ZNF808: variants seen among roughly 807,000 people sequenced by gnomAD.
ZNF808 encodes zinc finger protein 808.
ZNF808 carries 5 observed loss-of-function variants against 8.7 expected under a neutral mutation model. The observed-to-expected ratio is 0.58, with a 90% CI of 0.30 to 1.21. The LOEUF (loss-of-function observed/expected upper bound fraction) is 1.21, where lower values mean the gene tolerates loss of function less well. Ranked by LOEUF, ZNF808 falls within the 50% of genes most tolerant of loss-of-function variation. ZNF808 has a pLI of 0.07. For synonymous variants in ZNF808, 380 were observed against 366.0 expected (o/e 1.04, Z -0.44); for missense variants, 1,103 against 1,098.4 (o/e 1.00, Z -0.06).
rs773563625 is a variant in ZNF808 at position 52,554,632 on chromosome 19, T to C, written c.1716T>C (p.Cys572=). Residue 572 remains cysteine, a synonymous_variant, in exon 5 of 5, where the codon TGT becomes TGC. Transcript: ENST00000359798. ...TAKKPYKCNE[C]GKAFNQQSHL... is the part of the protein sequence containing the mutation. ...AGAAACCTTACAAGTGTAATGAATGTGGGAAAGCTTTTAATCAACAATCAC... is the reference window on the plus strand; with the variant it reads ...AGAAACCTTACAAGTGTAATGAATGCGGGAAAGCTTTTAATCAACAATCAC... The C allele has an allele frequency of 1.3e-5, 21 of 1,613,840 alleles. No individual in the cohort carries two copies. The African/African-American group carries it at 2.5e-4, about 19-fold the overall frequency.
At chr19:52,560,063 A>G (rs2123224286), downstream of ZNF808, among the ~76,000 whole-genome samples, 1 of 152,252 alleles carries the variant, frequency 6.6e-6, no homozygotes, top group African/African-American at 2.4e-5. Context: ...TGGCCGGGTG[A>G]GGTGGCTCAC....
At chr19:52,540,918 T>C (rs1190511898) in intron 2 of ZNF808, among the ~76,000 whole-genome samples, 1 of 152,184 alleles carries the variant, frequency 6.6e-6, no homozygotes. Flanking sequence ...TTTCGTTTGC[T>C]CAGGTATATA....
intron 3 of ZNF808, among the ~76,000 whole-genome samples, chr19:52,546,126 A>G (rs1028774763): frequency 6.6e-6 from 1 of 151,976 alleles, no homozygotes; most frequent in African/African-American, 2.4e-5. Flanking sequence ...CACTTAGAAC[A>G]GTGTATAGCA....
chr19:52,536,750 T>A (rs1260660954), intron 2 of ZNF808, among the ~76,000 whole-genome samples: 1 of 151,826 alleles, frequency 6.6e-6, no homozygotes, highest in Non-Finnish European at 1.5e-5. Context: ...CACCGGGGGA[T>A]CTGGGGTGCT....
chr19:52,555,337 AAGACATATT>A lies in ZNF808; in HGVS notation c.2425_2433del (p.His809_Arg811del). The A allele has an allele frequency of 6.2e-7, 1 of 1,614,196 alleles. No individual in the cohort carries two copies. Among genetic ancestry groups the A allele is most frequent in the Non-Finnish European group, 8.5e-7 (1 of 1,180,036 alleles). On this transcript the variant is annotated inframe_deletion, in exon 5 of 5. Transcript: ENST00000359798. ...CTTTCGTGCGTAATTCATACCTGGC[AAGACATATT>A]AGAATTCACACTGCAGAGAAACCTT...
rs146155373 is a variant in ZNF808 at position 52,556,308 on chromosome 19, GTTTCTTAT to G, written c.*691_*698del. ...GGCCACTTTCGCCATCCTGTTTTTT[GTTTCTTAT>G]TTTCTTATTTATTTATTTATTTATT... On this transcript the variant is annotated 3_prime_UTR_variant, in exon 5 of 5. Transcript: ENST00000359798. The G allele has an allele frequency of 0.019, 3,157 of 165,798 alleles. 102 individuals carry two copies. The highest frequency in any genetic ancestry group is 0.072 in the African/African-American group (3,000 of 41,536). The allele number at this position is 165,798 out of a possible 1,614,324, so 10.3% of individuals were successfully genotyped here.
chr19:52,529,904 TATATA>T (rs1213889777), intron 1 of ZNF808, among the ~76,000 whole-genome samples: 1 of 121,932 alleles, frequency 8.2e-6, no homozygotes, highest in African/African-American at 3.4e-5. Flanking sequence ...TATATATATA[TATATA>T]TATTTTTTTT....
chr19:52,561,037 C>T (rs2059854540), downstream of ZNF808, among the ~76,000 whole-genome samples: 2 of 152,014 alleles, frequency 1.3e-5, no homozygotes, highest in African/African-American at 2.4e-5. Flanking sequence ...TCAGTGTGTG[C>T]AGGGCATCAT....
At chr19:52,539,555 T>G (rs956787077) in intron 2 of ZNF808, among the ~76,000 whole-genome samples, 3 of 139,710 alleles carry the variant, frequency 2.1e-5, no homozygotes, top group Non-Finnish European at 3.1e-5. Flanking sequence ...GTGGTTTTTT[T>G]TTTTTTTTTT....
At chr19:52,533,394 T>G (rs1233469067) in intron 2 of ZNF808, among the ~76,000 whole-genome samples, 1 of 151,978 alleles carries the variant, frequency 6.6e-6, no homozygotes, top group African/African-American at 2.4e-5. Flanking sequence ...GCCTGGCTAA[T>G]TTTTATAGTT....
Position 52,553,339 on chromosome 19 carries a change from A to G in ZNF808, c.423A>G (p.Gln141=), listed in dbSNP as rs376683258. The change falls in exon 5 of 5, where the codon CAA becomes CAG. Residue 141 remains glutamine, a synonymous_variant. Coordinates refer to ENST00000359798, the MANE Select transcript of ZNF808 (RefSeq NM_001039886.4). ...KIKKLTGSTD[Q]HDHRHAGNKP... ...AAAAGTTGACTGGTAGCACAGACCA[A>G]CATGATCACAGGCATGCTGGAAACA... The G allele has an allele frequency of 7.8e-5, 126 of 1,614,138 alleles. No homozygotes were observed. The African/African-American group carries it at 1.4e-3, about 18-fold the overall frequency.
chr19:52,548,816 T>C (rs955167959), intron 4 of ZNF808, among the ~76,000 whole-genome samples: 3 of 152,160 alleles, frequency 2.0e-5, no homozygotes, highest in Admixed American at 6.6e-5. Flanking sequence ...ACATCTTTAC[T>C]ATTATAAATA....
At chr19:52,538,082 C>A (rs867466253) in intron 2 of ZNF808, among the ~76,000 whole-genome samples, 2 of 152,154 alleles carry the variant, frequency 1.3e-5, no homozygotes, top group South Asian at 4.1e-4. Context: ...GTTATCTACT[C>A]TAACTGCAGC....
At chr19:52,565,566 C>A (rs1051545845), downstream of ZNF808, among the ~76,000 whole-genome samples, 4 of 152,168 alleles carry the variant, frequency 2.6e-5, no homozygotes, top group Non-Finnish European at 5.9e-5. Flanking sequence ...TAGGAAAGAA[C>A]CCATCCCTCT....
chr19:52,528,564 C>G (rs1320038919), intron 1 of ZNF808, among the ~76,000 whole-genome samples: 1 of 152,028 alleles, frequency 6.6e-6, no homozygotes, highest in Non-Finnish European at 1.5e-5. Flanking sequence ...TAGAGAAAAG[C>G]TAGATGTACA....
chr19:52,552,610 CTAT>C (rs2059788291), intron 4 of ZNF808, among the ~76,000 whole-genome samples: 1 of 150,846 alleles, frequency 6.6e-6, no homozygotes, highest in South Asian at 2.1e-4. Context: ...CTTCTCAGTG[CTAT>C]AATTGTTTGA....
chr19:52,559,152 G>C (rs921987001), downstream of ZNF808, among the ~76,000 whole-genome samples: 2 of 151,960 alleles, frequency 1.3e-5, no homozygotes, highest in Non-Finnish European at 1.5e-5. Flanking sequence ...AAAGAGGAAG[G>C]CCTCTTTGCA....
intron 1 of ZNF808, among the ~76,000 whole-genome samples, chr19:52,528,265 C>T (rs1236130115): frequency 2.0e-5 from 3 of 152,146 alleles, no homozygotes; most frequent in Non-Finnish European, 4.4e-5. Flanking sequence ...GGACGCAGGG[C>T]CCTGTCCTGT....
At chr19:52,550,971 A>T (rs1421257954) in intron 4 of ZNF808, among the ~76,000 whole-genome samples, 2 of 152,074 alleles carry the variant, frequency 1.3e-5, no homozygotes, top group Non-Finnish European at 2.9e-5. Context: ...CTCTAATTCT[A>T]GCACTTTGAA....
Sources: gnomAD v4.1 joint callset for allele counts (sites outside exome capture counted in the v4.1 genomes callset) on GRCh38, gnomAD v4.1.1 for gene constraint, MANE v1.5 for transcripts, NCBI Gene and HGNC (gene_info 2026-07-23, HGNC 2026-07-21) for gene names.